The following VWC2L variants were observed in gnomAD, a reference collection of about 807,000 sequenced individuals.
VWC2L encodes von Willebrand factor C domain-containing protein 2-like.
A neutral mutation model predicts 21.6 loss-of-function variants in VWC2L; 10 were observed. That is an observed-to-expected ratio of 0.46 (90% CI 0.29 to 0.78). The LOEUF (loss-of-function observed/expected upper bound fraction) is 0.78. Among genes scored for constraint, VWC2L ranks in the 30% least tolerant of loss-of-function variants. VWC2L has a pLI of 0.10. For synonymous variants in VWC2L, 96 were observed against 94.3 expected, an observed-to-expected ratio of 1.02 and a Z score of -0.10; for missense variants, 209 against 277.1, an observed-to-expected ratio of 0.75 and a Z score of 1.74.
At chr2:214,506,277 C>G (rs1374798412) in intron 3 of VWC2L, among the ~76,000 whole-genome samples, 3 of 152,164 alleles carry the variant, frequency 2.0e-5, no homozygotes, top group Admixed American at 6.5e-5. Context: ...ATTTGAAAAG[C>G]TTTTATAGAT....
In VWC2L at chr2:214,575,827, C is replaced by A; in HGVS notation, c.*7C>A. The A allele has an allele frequency of 6.2e-7, 1 of 1,609,712 alleles. No homozygotes were observed. The highest frequency in any genetic ancestry group is 1.7e-4 in the Middle Eastern group (1 of 6,038). ...AGGCAAGCAGACTGTGTAGGACAAA[C>A]TTCCACCCAATGATGAGTTCTTAGG... On this transcript the variant is annotated 3_prime_UTR_variant, in exon 4 of 4. Transcript: ENST00000312504.
intron 3 of VWC2L, among the ~76,000 whole-genome samples, chr2:214,574,173 A>G (rs980766514): frequency 4.6e-5 from 7 of 152,078 alleles, no homozygotes; most frequent in African/African-American, 1.4e-4. Context: ...AAAATGAACA[A>G]GAAGCACCCT....
chr2:214,429,795 C>CT (rs1418805148), intron 2 of VWC2L, among the ~76,000 whole-genome samples: 1 of 151,800 alleles, frequency 6.6e-6, no homozygotes, highest in East Asian at 1.9e-4. Flanking sequence ...ATTTTTAAAA[C>CT]TTTACCAAAA....
At chr2:214,541,873 T>G (rs537715013) in intron 3 of VWC2L, among the ~76,000 whole-genome samples, 4 of 151,882 alleles carry the variant, frequency 2.6e-5, no homozygotes, top group Admixed American at 2.0e-4. Context: ...GAATTTTAGA[T>G]AGCATTAGAG....
intron 2 of VWC2L, among the ~76,000 whole-genome samples, chr2:214,417,102 T>C (rs879424576): frequency 6.6e-6 from 1 of 152,132 alleles, no homozygotes; most frequent in Non-Finnish European, 1.5e-5. Context: ...CTCTTCCAAC[T>C]CAGCTTGCAA....
intron 3 of VWC2L, among the ~76,000 whole-genome samples, chr2:214,484,901 T>C (rs146820831): frequency 2.2e-4 from 33 of 152,296 alleles, no homozygotes; most frequent in African/African-American, 7.2e-4. Flanking sequence ...GCAGTACCTT[T>C]TCTGAGCTCA....
chr2:214,503,781 T>A (rs921828859), intron 3 of VWC2L, among the ~76,000 whole-genome samples: 7 of 151,974 alleles, frequency 4.6e-5, no homozygotes, highest in African/African-American at 1.7e-4. Context: ...TGTGGCAAAG[T>A]TGAGAGATGG....
chr2:214,431,774 A>G (rs971397827), intron 2 of VWC2L, among the ~76,000 whole-genome samples: 1 of 152,196 alleles, frequency 6.6e-6, no homozygotes, highest in African/African-American at 2.4e-5. Context: ...CACATTATAA[A>G]ATGAGACTAG....
At chr2:214,570,336 A>G (rs1368828550) in intron 3 of VWC2L, among the ~76,000 whole-genome samples, 1 of 152,192 alleles carries the variant, frequency 6.6e-6, no homozygotes, top group Non-Finnish European at 1.5e-5. Flanking sequence ...AGATGTGCAA[A>G]ATATGTGCTC....
At chr2:214,569,471 A>T (rs1304765679) in intron 3 of VWC2L, among the ~76,000 whole-genome samples, 1 of 152,210 alleles carries the variant, frequency 6.6e-6, no homozygotes, top group Non-Finnish European at 1.5e-5. Context: ...CCCTAATTTT[A>T]GCATTTTCTG....
chr2:214,411,888 G>A (rs1375275353), intron 1 of VWC2L, 102 bp downstream of exon 1: 1 of 152,026 alleles, frequency 6.6e-6, no homozygotes, highest in Non-Finnish European at 1.5e-5. Context: ...GGAAAATTAA[G>A]CTGGGAAGTG....
At chr2:214,475,397 A>G (rs1004270591) in intron 3 of VWC2L, among the ~76,000 whole-genome samples, 5 of 152,154 alleles carry the variant, frequency 3.3e-5, no homozygotes, top group Non-Finnish European at 5.9e-5. Context: ...TGTAAAAAAA[A>G]AAGAAAGAAA....
chr2:214,467,259 G>A (rs1259455233), intron 3 of VWC2L, among the ~76,000 whole-genome samples: 2 of 152,140 alleles, frequency 1.3e-5, no homozygotes, highest in African/African-American at 4.8e-5. Flanking sequence ...GTTCCCTAGT[G>A]AACAACTTGT....
At chr2:214,562,456 G>A (rs893284921) in intron 3 of VWC2L, among the ~76,000 whole-genome samples, 12 of 152,094 alleles carry the variant, frequency 7.9e-5, no homozygotes, top group African/African-American at 2.2e-4. Context: ...ATGAACATAC[G>A]CATGCATGTA....
In VWC2L at chr2:214,519,336, A is replaced by G. The variant is rs115981404; in HGVS notation, c.521-56336A>G. Among the ~76,000 whole-genome samples the G allele has an allele frequency of 7.0e-3, 1,067 of 152,290 alleles. 7 individuals carry two copies. The highest frequency in any genetic ancestry group is 0.011 in the Non-Finnish European group (760 of 68,010). ...TGGTCCTAGAAATATAAGATGATAAAACACAGTCTCTGCCCTTGAGAAGAA... is the reference window on the plus strand; with the variant it reads ...TGGTCCTAGAAATATAAGATGATAAGACACAGTCTCTGCCCTTGAGAAGAA... On this transcript the variant is annotated intron_variant, in intron 3 of 3. Transcript: ENST00000312504.
intron 3 of VWC2L, chr2:214,534,116 G>A (rs1228668792): frequency 1.3e-5 from 2 of 152,606 alleles, no homozygotes; most frequent in East Asian, 3.9e-4. Context: ...TGGACCCTCC[G>A]ATTCACACCG....
At chr2:214,468,804 A>G (rs1236904909) in intron 3 of VWC2L, among the ~76,000 whole-genome samples, 7 of 152,206 alleles carry the variant, frequency 4.6e-5, no homozygotes, top group Non-Finnish European at 8.8e-5. Flanking sequence ...AGGTTTGCTG[A>G]CTTAAAACCA....
At chr2:214,525,263 G>A (rs1689314470) in intron 3 of VWC2L, 1 of 152,120 alleles carries the variant, frequency 6.6e-6, no homozygotes, top group African/African-American at 2.4e-5. Context: ...AGGCCTGGCA[G>A]GTGAGGGGAC....
Position 214,433,646 on chromosome 2 carries a change from A to C in VWC2L, c.391-2983A>C, listed in dbSNP as rs190316839. 3.3e-5 allele frequency among the ~76,000 whole-genome samples: 5 copies of C among 152,350 alleles called. No homozygotes were observed. In the East Asian group the frequency reaches 5.8e-4, roughly 18 times the overall value. Reference sequence around the variant, plus strand: ...CAAAGTACCGTGAGTTTTACACTGTAAATGGGAAGGATTTTTAAAGTTTGA... The same window carrying C: ...CAAAGTACCGTGAGTTTTACACTGTCAATGGGAAGGATTTTTAAAGTTTGA... On this transcript the variant is annotated intron_variant, in intron 2 of 3. Transcript: ENST00000312504.
Sources: gnomAD v4.1 joint callset for allele counts (sites outside exome capture counted in the v4.1 genomes callset) on GRCh38, gnomAD v4.1.1 for gene constraint, MANE v1.5 for transcripts, NCBI Gene and HGNC (gene_info 2026-07-23, HGNC 2026-07-21) for gene names.